The following NFKB1 variants were observed in gnomAD, a reference collection of about 807,000 sequenced individuals.
NFKB1 encodes nuclear factor kappa B subunit 1, also known as nuclear factor NF-kappa-B p105 subunit.
NFKB1 carries 9 observed loss-of-function variants against 105.1 expected under a neutral mutation model. The ratio of observed to expected loss-of-function variants is 0.09; its 90% CI spans 0.05 to 0.15. The LOEUF (loss-of-function observed/expected upper bound fraction) is 0.15. Ranked by LOEUF, NFKB1 falls within the 10% of genes least tolerant of loss-of-function variation. The pLI is 1.00. For synonymous variants in NFKB1, 440 were observed against 442.2 expected, an observed-to-expected ratio of 1.00 and a Z score of 0.06; for missense variants, 830 against 1,203.7, an observed-to-expected ratio of 0.69 and a Z score of 4.59.
intron 3 of NFKB1, among the ~76,000 whole-genome samples, chr4:102,531,630 T>C (rs552310909): frequency 1.1e-4 from 16 of 152,202 alleles, no homozygotes; most frequent in Non-Finnish European, 2.2e-4. Flanking sequence ...GTCCTTTTCA[T>C]GGCACAGAAA....
chr4:102,587,206 G>A (rs565183653), intron 11 of NFKB1, among the ~76,000 whole-genome samples: 2 of 152,244 alleles, frequency 1.3e-5, no homozygotes, highest in South Asian at 2.1e-4. Context: ...GCTGCTGGAG[G>A]TCTTTTGAAT....
intron 1 of NFKB1, among the ~76,000 whole-genome samples, chr4:102,514,376 T>G (rs1739987806): frequency 6.6e-6 from 1 of 152,118 alleles, no homozygotes; most frequent in Non-Finnish European, 1.5e-5. Context: ...AGGTAGAGCC[T>G]GTAAGAAGTG....
At chr4:102,522,718 A>G (rs912086426) in intron 1 of NFKB1, among the ~76,000 whole-genome samples, 1 of 152,170 alleles carries the variant, frequency 6.6e-6, no homozygotes, top group Non-Finnish European at 1.5e-5. Flanking sequence ...TGAGGACCAT[A>G]GGCTAATATT....
intron 5 of NFKB1, among the ~76,000 whole-genome samples, chr4:102,560,483 A>G (rs1447786874): frequency 6.6e-6 from 1 of 152,170 alleles, no homozygotes; most frequent in Non-Finnish European, 1.5e-5. Context: ...CATGAGCCAT[A>G]TATGCTGTTG....
chr4:102,518,634 A>C, intron 1 of NFKB1, among the ~76,000 whole-genome samples: 1 of 152,196 alleles, frequency 6.6e-6, no homozygotes. Flanking sequence ...GATACTGATT[A>C]CTTCTTCCAA....
chr4:102,580,423 G>A (rs1267622432), intron 8 of NFKB1, 112 bp from the exon 9 acceptor site: 17 of 763,162 alleles, frequency 2.2e-5, no homozygotes, highest in Non-Finnish European at 3.6e-5. Context: ...GTGAAAGCAT[G>A]TATTTAAGCT....
chr4:102,600,026 AG>A (rs1490134244), intron 15 of NFKB1, among the ~76,000 whole-genome samples: 1 of 152,142 alleles, frequency 6.6e-6, no homozygotes, highest in Admixed American at 6.5e-5. Flanking sequence ...ACTGCATGCT[AG>A]GGTTGTAAGG....
At chr4:102,566,329 A>C (rs1402017305) in intron 5 of NFKB1, among the ~76,000 whole-genome samples, 1 of 152,190 alleles carries the variant, frequency 6.6e-6, no homozygotes, top group African/African-American at 2.4e-5. Context: ...GTACTTAAGG[A>C]GTACACTTTT....
chr4:102,539,413 T>A (rs1741857438), intron 5 of NFKB1, among the ~76,000 whole-genome samples: 1 of 152,156 alleles, frequency 6.6e-6, no homozygotes, highest in African/African-American at 2.4e-5. Flanking sequence ...CAAGTGAAAC[T>A]CACCCATTAT....
At chr4:102,601,959 T>A (rs753113821) in intron 16 of NFKB1, among the ~76,000 whole-genome samples, 2 of 152,162 alleles carry the variant, frequency 1.3e-5, no homozygotes, top group Non-Finnish European at 2.9e-5. Flanking sequence ...CTTCCCTTCA[T>A]CGACCCGAAG....
rs1430475656 is a variant in NFKB1 at position 102,580,526 on chromosome 4, T to C, written c.731-9T>C. 13 of 1,612,522 alleles carry C rather than the reference T, an allele frequency of 8.1e-6. No individual in the cohort carries two copies. Among genetic ancestry groups the C allele is most frequent in the Non-Finnish European group, 1.1e-5 (13 of 1,178,610 alleles). On this transcript the variant is annotated splice_polypyrimidine_tract_variant and intron_variant, in intron 8 of 23. Transcript: ENST00000226574. The stretch of plus-strand genomic sequence containing the variant: ...ATCATGTTATTTGTTGTTTTTCCCC[T>C]GTGAACAGAAGCCCCCAATGCATCC...
intron 5 of NFKB1, among the ~76,000 whole-genome samples, chr4:102,561,973 G>A (rs1206805375): frequency 6.6e-6 from 1 of 152,202 alleles, no homozygotes; most frequent in Non-Finnish European, 1.5e-5. Context: ...CTAAAGTGGT[G>A]AGGAGGGTGT....
Position 102,543,995 on chromosome 4 carries a change from AAC to A in NFKB1, c.258+6040_258+6041del, listed in dbSNP as rs1721934578. On this transcript the variant is annotated intron_variant, in intron 5 of 23. Coordinates refer to ENST00000226574, the MANE Select transcript of NFKB1 (RefSeq NM_003998.4). ...TGTACATTATACTGTGTGTTTTGTA[AAC>A]CATGAGAAAAGCTGCTTATTGAACA... is the stretch of plus-strand genomic sequence containing the variant. Among the ~76,000 whole-genome samples, 7 of 152,226 alleles carry A rather than the reference AAC, an allele frequency of 4.6e-5. No homozygotes were observed. In the South Asian group the frequency reaches 1.4e-3, roughly 32 times the overall value.
intron 1 of NFKB1, among the ~76,000 whole-genome samples, chr4:102,506,044 G>C (rs1408910947): frequency 6.6e-6 from 1 of 152,080 alleles, no homozygotes; most frequent in Non-Finnish European, 1.5e-5. Context: ...TTATTAAAAA[G>C]TATCTGGCGC....
intron 8 of NFKB1, 79 bp downstream of exon 8, chr4:102,579,118 T>A (rs1725110219): frequency 6.9e-7 from 1 of 1,441,694 alleles, no homozygotes; most frequent in African/African-American, 1.4e-5. Flanking sequence ...GCTAGCTGAG[T>A]CCTGGGGAAG....
At chr4:102,502,499 C>T (rs1013696112) in intron 1 of NFKB1, among the ~76,000 whole-genome samples, 1 of 151,388 alleles carries the variant, frequency 6.6e-6, no homozygotes, top group Non-Finnish European at 1.5e-5. Flanking sequence ...AAATAAATTA[C>T]CTACCTGGAT....
chr4:102,551,366 G>GC (rs1553931271), intron 5 of NFKB1, among the ~76,000 whole-genome samples: 2 of 43,284 alleles, frequency 4.6e-5, no homozygotes, highest in Non-Finnish European at 1.1e-4. Context: ...GTGTGTGTGT[G>GC]TGCGCGCGCG....
chr4:102,581,908 G>A (rs1725345972), intron 9 of NFKB1, among the ~76,000 whole-genome samples: 1 of 152,198 alleles, frequency 6.6e-6, no homozygotes, highest in Admixed American at 6.5e-5. Context: ...AGGCAAAGGA[G>A]ATTGTAAGAT....
chr4:102,566,912 T>C, intron 5 of NFKB1, 75 bp from the exon 6 acceptor site: 1 of 1,488,674 alleles, frequency 6.7e-7, no homozygotes, highest in African/African-American at 1.4e-5. Flanking sequence ...TTATACTTAC[T>C]GGCTTATCAT....
Sources: allele counts gnomAD v4.1 joint callset (sites outside exome capture counted in the v4.1 genomes callset), GRCh38; gene constraint gnomAD v4.1.1; transcripts MANE v1.5; gene names NCBI Gene and HGNC (gene_info 2026-07-23, HGNC 2026-07-21).